Variants in FSTL5 observed in about 807,000 individuals in gnomAD.
The protein encoded by FSTL5 is follistatin-related protein 5.
A neutral mutation model predicts 89.1 loss-of-function variants in FSTL5; 62 were observed. The ratio of observed to expected loss-of-function variants is 0.70; its 90% CI spans 0.57 to 0.86. The LOEUF (loss-of-function observed/expected upper bound fraction) is 0.86. Ranked by LOEUF, FSTL5 falls within the 40% of genes least tolerant of loss-of-function variation. The probability of loss-of-function intolerance (pLI) is 0.00; values close to 1 mark genes in which losing one functional copy is unlikely to be tolerated. For synonymous variants in FSTL5, 383 were observed against 346.2 expected, an observed-to-expected ratio of 1.11 and a Z score of -1.18; for missense variants, 1,057 against 1,001.6, an observed-to-expected ratio of 1.06 and a Z score of -0.75.
chr4:161,542,835 T>G, intron 8 of FSTL5, 142 bp from the exon 9 acceptor site: 2 of 449,766 alleles, frequency 4.4e-6, no homozygotes, highest in Non-Finnish European at 7.4e-6. Context: ...AGTTTCCAAA[T>G]AGCATTATCC....
At chr4:161,834,784 G>C (rs1225802379) in intron 4 of FSTL5, among the ~76,000 whole-genome samples, 7 of 152,032 alleles carry the variant, frequency 4.6e-5, no homozygotes, top group African/African-American at 1.7e-4. Flanking sequence ...ACAAACCACT[G>C]CTCGAGGAAA....
intron 6 of FSTL5, among the ~76,000 whole-genome samples, chr4:161,694,954 CT>C (rs1738087121): frequency 7.1e-6 from 1 of 141,300 alleles, no homozygotes; most frequent in Non-Finnish European, 1.5e-5. Context: ...CAGAGATTTT[CT>C]TAAATGCATG....
chr4:161,784,495 C>G (rs1345718659), intron 4 of FSTL5, among the ~76,000 whole-genome samples: 1 of 152,134 alleles, frequency 6.6e-6, no homozygotes, highest in East Asian at 1.9e-4. Context: ...GAACAAGTCT[C>G]TTAGTGCTCT....
At chr4:161,462,451 T>C (rs1416994727) in intron 13 of FSTL5, among the ~76,000 whole-genome samples, 2 of 152,242 alleles carry the variant, frequency 1.3e-5, no homozygotes, top group East Asian at 1.9e-4. Context: ...AAAGTCAGTA[T>C]AGATCATGTT....
At chr4:162,125,586 G>A (rs1732047959) in intron 1 of FSTL5, among the ~76,000 whole-genome samples, 2 of 151,974 alleles carry the variant, frequency 1.3e-5, no homozygotes, top group Admixed American at 1.3e-4. Context: ...AACTACTAGA[G>A]TTTGATAATA....
Position 162,017,897 on chromosome 4 carries a change from T to G in FSTL5, c.160+15728A>C, listed in dbSNP as rs182800484. On this transcript the variant is annotated intron_variant, in intron 3 of 15. Coordinates refer to ENST00000306100, the MANE Select transcript of FSTL5 (RefSeq NM_020116.5). ...CCTTTCTTAGATCATATTGTCCAAC[T>G]CATTATACCTTCTAATGCATTGCTG... Among the ~76,000 whole-genome samples the G allele has an allele frequency of 7.8e-4, 118 of 152,242 alleles. 1 individual carries two copies. Among genetic ancestry groups the G allele is most frequent in the African/African-American group, 2.8e-3 (116 of 41,566 alleles).
chr4:161,835,785 A>T (rs1282735336), intron 4 of FSTL5, among the ~76,000 whole-genome samples: 1 of 152,178 alleles, frequency 6.6e-6, no homozygotes, highest in Admixed American at 6.5e-5. Context: ...AATGGCAATC[A>T]TTAAAAAGTC....
chr4:161,647,189 C>G (rs144094702), intron 7 of FSTL5, among the ~76,000 whole-genome samples: 24 of 152,194 alleles, frequency 1.6e-4, no homozygotes, highest in African/African-American at 5.3e-4. Flanking sequence ...AGGTGTAAGA[C>G]AAAAGTCCAA....
At chr4:161,629,024 C>T (rs1735407024) in intron 7 of FSTL5, among the ~76,000 whole-genome samples, 1 of 152,176 alleles carries the variant, frequency 6.6e-6, no homozygotes, top group Admixed American at 6.5e-5. Context: ...TAAAGCAACA[C>T]ATCTATAGGT....
At chr4:162,109,885 T>A (rs1341272202) in intron 2 of FSTL5, among the ~76,000 whole-genome samples, 1 of 152,046 alleles carries the variant, frequency 6.6e-6, no homozygotes, top group African/African-American at 2.4e-5. Flanking sequence ...AATGGGTACA[T>A]AACAATATAT....
At chr4:161,579,732 A>C (rs534613493) in intron 8 of FSTL5, among the ~76,000 whole-genome samples, 2,408 of 7,698 alleles carry the variant, frequency 0.31, 16 homozygotes, top group Middle Eastern at 0.5. Context: ...AAAAACAAAC[A>C]AAAAAAAAAA....
intron 7 of FSTL5, among the ~76,000 whole-genome samples, chr4:161,639,010 G>C (rs1025025736): frequency 1.3e-5 from 2 of 150,402 alleles, no homozygotes; most frequent in Non-Finnish European, 3.0e-5. Context: ...AAAATAATAA[G>C]AGCTATCTAT....
chr4:161,600,074 A>G (rs1018554537), intron 7 of FSTL5, among the ~76,000 whole-genome samples: 2 of 151,788 alleles, frequency 1.3e-5, no homozygotes, highest in African/African-American at 4.8e-5. Context: ...TAGGTCATCT[A>G]GCTCTACATT....
intron 4 of FSTL5, among the ~76,000 whole-genome samples, chr4:161,778,631 T>A (rs1005373251): frequency 6.6e-6 from 1 of 152,230 alleles, no homozygotes; most frequent in Non-Finnish European, 1.5e-5. Flanking sequence ...AAGTTCTTTT[T>A]CACAACAAAA....
rs886852911 is a variant in FSTL5, at chr4:161,404,850, AC to A, written c.1842-18402del. Reference sequence around the variant, plus strand: ...AAAAAAACTAGGAAAGTCGGACCACACCCAGAAAAAAAAAGAAATTAACAAA... The same window carrying A: ...AAAAAAACTAGGAAAGTCGGACCACACCAGAAAAAAAAAGAAATTAACAAA... On this transcript the variant is annotated intron_variant, in intron 15 of 15. Transcript: ENST00000306100. Among the ~76,000 whole-genome samples the A allele has an allele frequency of 6.6e-4, 101 of 152,180 alleles. 1 individual carries two copies. The highest frequency in any genetic ancestry group is 2.9e-3 in the Admixed American group (44 of 15,292).
intron 10 of FSTL5, among the ~76,000 whole-genome samples, chr4:161,512,359 G>C (rs1730679652): frequency 6.6e-6 from 1 of 152,014 alleles, no homozygotes; most frequent in Non-Finnish European, 1.5e-5. Flanking sequence ...TAATTGGGGA[G>C]ACAAAAAGTA....
rs958986 is a variant in FSTL5, at chr4:162,130,040, T to G, written c.-16-18628A>C. ...AGAGCCTAGAGGGATAAAGTCCACA[T>G]AGATATTGAGCATTTTTCATTTTCT... On this transcript the variant is annotated intron_variant, in intron 1 of 15. Transcript: ENST00000306100. 1.1e-3 allele frequency among the ~76,000 whole-genome samples: 175 copies of G among 152,334 alleles called. 2 individuals carry two copies. The highest frequency in any genetic ancestry group is 3.8e-3 in the Admixed American group (58 of 15,298).
chr4:161,827,384 C>T (rs1396989781), intron 4 of FSTL5, among the ~76,000 whole-genome samples: 1 of 152,150 alleles, frequency 6.6e-6, no homozygotes, highest in Non-Finnish European at 1.5e-5. Context: ...TGTGAGGGTC[C>T]TTAGCTGTAG....
At chr4:161,526,711 C>A (rs893256660) in intron 10 of FSTL5, among the ~76,000 whole-genome samples, 3 of 152,180 alleles carry the variant, frequency 2.0e-5, no homozygotes, top group Admixed American at 2.0e-4. Context: ...GGAATCCTTT[C>A]CACATTGCTT....
Sources: gnomAD v4.1 joint callset for allele counts (sites outside exome capture counted in the v4.1 genomes callset) on GRCh38, gnomAD v4.1.1 for gene constraint, MANE v1.5 for transcripts, NCBI Gene and HGNC (gene_info 2026-07-23, HGNC 2026-07-21) for gene names.